The following TRPM3 variants were observed in gnomAD, a reference collection of about 807,000 sequenced individuals.
The protein encoded by TRPM3 is transient receptor potential cation channel subfamily M member 3, also known as long transient receptor potential channel 3.
In TRPM3, 77 loss-of-function variants were observed where a neutral mutation model predicts 181.2. The ratio of observed to expected loss-of-function variants is 0.42; its 90% CI spans 0.35 to 0.51. The LOEUF (loss-of-function observed/expected upper bound fraction) is 0.51. Among genes scored for constraint, TRPM3 ranks in the 20% least tolerant of loss-of-function variants. The probability of loss-of-function intolerance (pLI) is 0.01; values close to 1 mark genes in which losing one functional copy is unlikely to be tolerated. For synonymous variants in TRPM3, 745 were observed against 796.4 expected (o/e 0.94, Z 1.09); for missense variants, 1,759 against 2,196.7 (o/e 0.80, Z 3.98).
At chr9:71,228,972 A>C (rs2080872741) in intron 1 of TRPM3, among the ~76,000 whole-genome samples, 1 of 152,168 alleles carries the variant, frequency 6.6e-6, no homozygotes, top group African/African-American at 2.4e-5. Context: ...AAAGATCAAA[A>C]AATTTGTGTG....
intron 1 of TRPM3, among the ~76,000 whole-genome samples, chr9:71,132,592 T>A (rs890556791): frequency 5.9e-5 from 9 of 152,160 alleles, no homozygotes; most frequent in African/African-American, 2.2e-4. Flanking sequence ...AACTATAAAC[T>A]CAAAATTCAT....
intron 19 of TRPM3, among the ~76,000 whole-genome samples, chr9:70,606,621 T>A (rs1033937667): frequency 1.4e-5 from 2 of 139,544 alleles, no homozygotes; most frequent in African/African-American, 5.3e-5. Flanking sequence ...TGACATGACA[T>A]GCTTTAATTG....
At chr9:71,434,191 G>T (rs971270192) in intron 1 of TRPM3, among the ~76,000 whole-genome samples, 1 of 151,920 alleles carries the variant, frequency 6.6e-6, no homozygotes, top group Non-Finnish European at 1.5e-5. Flanking sequence ...AAGTCATCCT[G>T]TTGTGTGCTA....
chr9:70,974,162 C>CT (rs1364159892), intron 1 of TRPM3, among the ~76,000 whole-genome samples: 1 of 151,992 alleles, frequency 6.6e-6, no homozygotes, highest in Non-Finnish European at 1.5e-5. Context: ...AGCATTATAC[C>CT]TGCTTTTTTT....
At position 70,864,525 on chromosome 9, in the gene TRPM3, C is replaced by CAAAAAAAAAAAAA. The variant is rs71367234; in HGVS notation, c.178-27_178-15dup. The CAAAAAAAAAAAAA allele has an allele frequency of 4.3e-4, 383 of 899,246 alleles. 5 individuals carry two copies. Among genetic ancestry groups the CAAAAAAAAAAAAA allele is most frequent in the South Asian group, 1.6e-3 (43 of 26,222 alleles). 55.7% of individuals were successfully genotyped at this position (899,246 alleles called of 1,614,324 possible). A position where few individuals can be genotyped will look rare whatever the true frequency, so the allele number is the denominator to read the frequency against. On this transcript the variant is annotated splice_polypyrimidine_tract_variant and intron_variant, in intron 1 of 25. Transcript: ENST00000677713. ...GGATTTCTGAGCCTGAAAAAGAAAA[C>CAAAAAAAAAAAAA]AAAAAAAAAAAAAAAAGAAAAAAGA...
chr9:70,694,269 A>G (rs1014877042), intron 8 of TRPM3, among the ~76,000 whole-genome samples: 6 of 151,900 alleles, frequency 3.9e-5, no homozygotes, highest in African/African-American at 1.2e-4. Flanking sequence ...CCTTTTCTAA[A>G]CCTTGGTTTT....
intron 1 of TRPM3, among the ~76,000 whole-genome samples, chr9:71,029,344 T>C (rs946497811): frequency 6.6e-6 from 1 of 152,098 alleles, no homozygotes; most frequent in Non-Finnish European, 1.5e-5. Flanking sequence ...GAATAAAAGA[T>C]AAAATACTAA....
chr9:71,321,701 A>G (rs1426916171), intron 1 of TRPM3, among the ~76,000 whole-genome samples: 1 of 152,178 alleles, frequency 6.6e-6, no homozygotes, highest in Non-Finnish European at 1.5e-5. Flanking sequence ...ACAGGAGGAA[A>G]AAAAGTGCCT....
At chr9:70,941,403 G>A (rs1404644915) in intron 1 of TRPM3, among the ~76,000 whole-genome samples, 2 of 152,186 alleles carry the variant, frequency 1.3e-5, no homozygotes, top group African/African-American at 4.8e-5. Context: ...CAGGCCGTCA[G>A]CCACAGACTG....
intron 8 of TRPM3, among the ~76,000 whole-genome samples, chr9:70,700,370 A>G (rs1339664319): frequency 6.6e-6 from 1 of 152,142 alleles, no homozygotes; most frequent in Non-Finnish European, 1.5e-5. Flanking sequence ...TTTTTGACTC[A>G]AAGGTTGAGT....
chr9:71,158,745 A>C (rs557061168), intron 1 of TRPM3, among the ~76,000 whole-genome samples: 1 of 152,254 alleles, frequency 6.6e-6, no homozygotes, highest in East Asian at 1.9e-4. Flanking sequence ...CCTGTCTATG[A>C]ATATGATTCC....
chr9:71,365,174 G>T (rs1279714859), intron 1 of TRPM3, among the ~76,000 whole-genome samples: 2 of 152,104 alleles, frequency 1.3e-5, no homozygotes, highest in African/African-American at 4.8e-5. Flanking sequence ...GTGACCCCTG[G>T]CTACCTGGAA....
At chr9:70,783,733 A>C (rs557191512) in intron 7 of TRPM3, 1 of 585,900 alleles carries the variant, frequency 1.7e-6, no homozygotes, top group African/African-American at 2.0e-5. Flanking sequence ...TGAAGTTACC[A>C]ACCTGAACCA....
At chr9:70,748,655 T>A (rs898096086) in intron 8 of TRPM3, among the ~76,000 whole-genome samples, 2 of 152,044 alleles carry the variant, frequency 1.3e-5, no homozygotes, top group Non-Finnish European at 2.9e-5. Flanking sequence ...CTCCACCACA[T>A]GAAGATGCAG....
intron 1 of TRPM3, among the ~76,000 whole-genome samples, chr9:70,925,984 T>C (rs1462258669): frequency 9.5e-6 from 1 of 104,974 alleles, no homozygotes; most frequent in East Asian, 2.8e-4. Flanking sequence ...AGAAAAAGGT[T>C]GGCTTGGGAA....
intron 1 of TRPM3, among the ~76,000 whole-genome samples, chr9:71,365,853 C>T (rs371856306): frequency 2.0e-5 from 3 of 151,984 alleles, no homozygotes; most frequent in African/African-American, 4.8e-5. Context: ...TTCATGCTCT[C>T]GTGGGGCTGC....
intron 11 of TRPM3, among the ~76,000 whole-genome samples, chr9:70,635,722 A>G (rs1388933627): frequency 6.6e-6 from 1 of 151,946 alleles, no homozygotes; most frequent in Non-Finnish European, 1.5e-5. Context: ...TCAGCCTCCC[A>G]AAGTGCTGGG....
intron 1 of TRPM3, among the ~76,000 whole-genome samples, chr9:71,405,891 C>A (rs1291056747): frequency 6.6e-6 from 1 of 152,156 alleles, no homozygotes; most frequent in Non-Finnish European, 1.5e-5. Context: ...TGCTTCACAT[C>A]TAAGTGCAGA....
intron 17 of TRPM3, 28 bp downstream of exon 17, chr9:70,618,839 C>A (rs975626575): frequency 3.0e-5 from 48 of 1,592,938 alleles, no homozygotes; most frequent in Non-Finnish European, 4.1e-5. Context: ...GTCCTCATAG[C>A]CAGGAGGGCC....
Sources: allele counts gnomAD v4.1 joint callset (sites outside exome capture counted in the v4.1 genomes callset), GRCh38; gene constraint gnomAD v4.1.1; transcripts MANE v1.5; gene names NCBI Gene and HGNC (gene_info 2026-07-23, HGNC 2026-07-21).